UPP2: variants seen among roughly 807,000 people sequenced by gnomAD.
The protein encoded by UPP2 is uridine phosphorylase 2, also known as UPase 2.
In UPP2, 23 loss-of-function variants were observed where a neutral mutation model predicts 26.7. The ratio of observed to expected loss-of-function variants is 0.86; its 90% confidence interval spans 0.62 to 1.22. The LOEUF is 1.22. Ranked by LOEUF, UPP2 falls within the 50% of genes most tolerant of loss-of-function variation. The pLI is 0.00. For missense variants in UPP2, 387 were observed against 396.7 expected (o/e 0.98, Z 0.21); for synonymous variants, 127 against 141.3 (o/e 0.90, Z 0.72).
At chr2:158,118,678 A>G (rs1386906692) in intron 4 of UPP2, among the ~76,000 whole-genome samples, 1 of 152,066 alleles carries the variant, frequency 6.6e-6, no homozygotes, top group Non-Finnish European at 1.5e-5. Context: ...GCACATGGCA[A>G]ATGGAGAAGT....
At chr2:158,042,228 T>C (rs926199879) in intron 3 of UPP2, among the ~76,000 whole-genome samples, 3 of 152,162 alleles carry the variant, frequency 2.0e-5, no homozygotes, top group Non-Finnish European at 4.4e-5. Flanking sequence ...CTCTGACTGA[T>C]TTAGGCCTGT....
At chr2:158,087,553 T>C (rs1682836958) in intron 3 of UPP2, among the ~76,000 whole-genome samples, 1 of 152,148 alleles carries the variant, frequency 6.6e-6, no homozygotes, top group Non-Finnish European at 1.5e-5. Flanking sequence ...ATACCTTTTT[T>C]TGTTTGTTTT....
upstream of UPP2, among the ~76,000 whole-genome samples, chr2:158,098,063 C>T (rs78949840): frequency 0.026 from 3,955 of 151,934 alleles, 175 homozygotes; most frequent in African/African-American, 0.087. Flanking sequence ...GTCATTAACA[C>T]AAAAAAACCT....
chr2:158,039,004 G>A (rs757516222), intron 3 of UPP2, among the ~76,000 whole-genome samples: 4 of 152,166 alleles, frequency 2.6e-5, no homozygotes, highest in African/African-American at 4.8e-5. Context: ...TTGGCTGGTT[G>A]CACTGAGATA....
intron 2 of UPP2, among the ~76,000 whole-genome samples, chr2:158,009,860 T>A (rs1307275723): frequency 6.6e-6 from 1 of 152,234 alleles, no homozygotes; most frequent in East Asian, 1.9e-4. Context: ...CAAAGGGCTA[T>A]GCAGGGTTAC....
chr2:158,118,204 T>A (rs1314591662), intron 4 of UPP2, among the ~76,000 whole-genome samples: 2 of 151,804 alleles, frequency 1.3e-5, no homozygotes, highest in Non-Finnish European at 1.5e-5. Context: ...GTAGAAAAAT[T>A]GTTAGAAGAT....
At position 158,115,169 on chromosome 2, in the gene UPP2, G is replaced by A; in HGVS notation, c.249G>A (p.Gly83=). 6.2e-7 allele frequency: 1 copy of A among 1,613,732 alleles called. No homozygotes were observed. The highest frequency in any genetic ancestry group is 1.1e-5 in the South Asian group (1 of 91,048). The change falls in exon 3 of 7, where the codon GGG becomes GGA. Residue 83 remains glycine (G), a synonymous_variant. Transcript: ENST00000005756. ...AFALFMHKEL[G]FEEAEEDIKD... ...CACTGTTTATGCACAAGGAGCTCGG[G>A]TTTGAGGAAGCTGAAGAAGACATAA... is the stretch of plus-strand genomic sequence containing the variant.
chr2:158,001,984 AAG>A (rs1160973299), intron 2 of UPP2, among the ~76,000 whole-genome samples: 1 of 145,130 alleles, frequency 6.9e-6, no homozygotes, highest in African/African-American at 2.6e-5. Context: ...AAAAAAAAAG[AAG>A]AGAGAGAGCT....
chr2:158,129,676 G>A (rs1683768404), intron 6 of UPP2, among the ~76,000 whole-genome samples: 1 of 150,242 alleles, frequency 6.7e-6, no homozygotes, highest in African/African-American at 2.4e-5. Context: ...AGCTTTCAAT[G>A]AAAGAGGAAT....
Position 158,050,388 on chromosome 2 carries a change from GT to G in UPP2, c.147+34514del, listed in dbSNP as rs67366549. The stretch of plus-strand genomic sequence containing the variant: ...CCAATGTATTTACATGGATTATTTA[GT>G]TTTTTTTTTTTAAATGTACTAGTCT... On this transcript the variant is annotated intron_variant, in intron 3 of 9. Coordinates refer to the UPP2 transcript ENST00000605860. 8.3e-4 allele frequency among the ~76,000 whole-genome samples: 123 copies of G among 147,380 alleles called. 1 individual carries two copies. The highest frequency in any genetic ancestry group is 2.1e-3 in the South Asian group (10 of 4,662).
At chr2:158,058,419 CTGTGTGTG>C (rs70990632) in intron 3 of UPP2, among the ~76,000 whole-genome samples, 11 of 136,452 alleles carry the variant, frequency 8.1e-5, no homozygotes, top group East Asian at 4.7e-4. Flanking sequence ...TCCCCCCAAC[CTGTGTGTG>C]TGTGTGTGTG....
intron 2 of UPP2, among the ~76,000 whole-genome samples, chr2:158,011,836 A>C (rs1683584181): frequency 6.6e-6 from 1 of 152,216 alleles, no homozygotes; most frequent in Admixed American, 6.5e-5. Flanking sequence ...ATTGAATAGA[A>C]GATCCTAGGG....
chr2:158,122,381 T>A (rs1683588933), intron 5 of UPP2, among the ~76,000 whole-genome samples: 1 of 152,110 alleles, frequency 6.6e-6, no homozygotes, highest in South Asian at 2.1e-4. Context: ...TAAAAAATTA[T>A]GTTTGGAGAT....
intron 2 of UPP2, among the ~76,000 whole-genome samples, chr2:158,004,909 T>C (rs1398114403): frequency 6.6e-6 from 1 of 152,234 alleles, no homozygotes; most frequent in Non-Finnish European, 1.5e-5. Flanking sequence ...GCTTGATAAA[T>C]AGAAGCCATT....
chr2:158,089,570 T>C (rs1682873747), intron 3 of UPP2, among the ~76,000 whole-genome samples: 1 of 152,246 alleles, frequency 6.6e-6, no homozygotes, highest in African/African-American at 2.4e-5. Flanking sequence ...GGAAGTTTCC[T>C]TCTCTCTGGT....
chr2:158,067,295 T>A (rs753215226), intron 3 of UPP2, among the ~76,000 whole-genome samples: 1 of 151,690 alleles, frequency 6.6e-6, no homozygotes, highest in Non-Finnish European at 1.5e-5. Flanking sequence ...AAATAATTTG[T>A]CAGTGTTCAT....
intron 3 of UPP2, among the ~76,000 whole-genome samples, chr2:158,020,834 C>T (rs1574248888): frequency 6.6e-6 from 1 of 152,206 alleles, no homozygotes; most frequent in Non-Finnish European, 1.5e-5. Context: ...ATTCCAAAAC[C>T]CTCAATTCAT....
intron 3 of UPP2, among the ~76,000 whole-genome samples, chr2:158,021,733 A>C (rs551253162): frequency 6.6e-6 from 1 of 152,310 alleles, no homozygotes; most frequent in South Asian, 2.1e-4. Context: ...TGGCTTTTTC[A>C]CCTTGGTAGG....
intron 3 of UPP2, among the ~76,000 whole-genome samples, chr2:158,083,724 C>G (rs1400151908): frequency 2.0e-5 from 3 of 151,178 alleles, no homozygotes; most frequent in African/African-American, 7.3e-5. Context: ...ATATAATTGT[C>G]TCCAATTCCA....
Sources: allele counts gnomAD v4.1 joint callset (sites outside exome capture counted in the v4.1 genomes callset), GRCh38; gene constraint gnomAD v4.1.1; transcripts MANE v1.5; gene names NCBI Gene and HGNC (gene_info 2026-07-23, HGNC 2026-07-21).